ZFAND3: variants seen among roughly 807,000 people sequenced by gnomAD.
The protein encoded by ZFAND3 is AN1-type zinc finger protein 3.
A neutral mutation model predicts 29.6 loss-of-function variants in ZFAND3; 10 were observed. The ratio of observed to expected loss-of-function variants is 0.34; its 90% CI spans 0.21 to 0.57. The LOEUF is 0.57. Among genes scored for constraint, ZFAND3 ranks in the 20% least tolerant of loss-of-function variants. The pLI is 0.86. For synonymous variants in ZFAND3, 128 were observed against 112.6 expected, an observed-to-expected ratio of 1.14 and a Z score of -0.87; for missense variants, 230 against 304.5, an observed-to-expected ratio of 0.76 and a Z score of 1.82.
chr6:38,107,336 G>C (rs1765229308), intron 4 of ZFAND3, among the ~76,000 whole-genome samples: 1 of 152,202 alleles, frequency 6.6e-6, no homozygotes, highest in Non-Finnish European at 1.5e-5. Context: ...TGTGGAAGAG[G>C]TGAAGTGGAG....
At chr6:37,919,769 T>A (rs1201704549) in intron 1 of ZFAND3, among the ~76,000 whole-genome samples, 1 of 152,218 alleles carries the variant, frequency 6.6e-6, no homozygotes. Context: ...AAGTATTAAA[T>A]CTGTGTTTAA....
intron 1 of ZFAND3, among the ~76,000 whole-genome samples, chr6:37,907,125 ACTCT>A (rs757963792): frequency 1.3e-5 from 2 of 151,554 alleles, no homozygotes; most frequent in South Asian, 2.1e-4. Context: ...GCTTGCACTG[ACTCT>A]CTGTCTGCAC....
At chr6:37,868,153 CAT>C (rs1206648951) in intron 1 of ZFAND3, among the ~76,000 whole-genome samples, 5 of 152,084 alleles carry the variant, frequency 3.3e-5, no homozygotes, top group South Asian at 4.1e-4. Flanking sequence ...TGTGTATTGA[CAT>C]GTGTCAAATG....
intron 2 of ZFAND3, among the ~76,000 whole-genome samples, chr6:38,058,942 T>G (rs2127462630): frequency 6.6e-6 from 1 of 152,324 alleles, no homozygotes; most frequent in East Asian, 1.9e-4. Context: ...TGAGAATATG[T>G]CAAAAGGTAA....
chr6:38,021,744 T>TA (rs1206669574), intron 2 of ZFAND3, among the ~76,000 whole-genome samples: 1 of 152,212 alleles, frequency 6.6e-6, no homozygotes, highest in Admixed American at 6.5e-5. Context: ...GGGCTGCTGT[T>TA]ATATAACCTT....
intron 2 of ZFAND3, among the ~76,000 whole-genome samples, chr6:38,050,467 G>A (rs1348975684): frequency 6.6e-6 from 1 of 152,032 alleles, no homozygotes; most frequent in Admixed American, 6.5e-5. Flanking sequence ...GGAGGTAATT[G>A]TATCATGCGG....
chr6:37,861,820 A>T (rs1442802324), intron 1 of ZFAND3, among the ~76,000 whole-genome samples: 1 of 152,236 alleles, frequency 6.6e-6, no homozygotes, highest in Non-Finnish European at 1.5e-5. Flanking sequence ...TTACATATGG[A>T]TAACTGGAGC....
intron 2 of ZFAND3, among the ~76,000 whole-genome samples, chr6:38,053,902 T>C (rs920221096): frequency 1.3e-5 from 2 of 152,012 alleles, no homozygotes; most frequent in African/African-American, 4.8e-5. Flanking sequence ...TGAATGTTGA[T>C]ATCATCTGAT....
intron 1 of ZFAND3, among the ~76,000 whole-genome samples, chr6:37,824,083 A>G (rs1763716455): frequency 6.6e-6 from 1 of 152,218 alleles, no homozygotes; most frequent in Admixed American, 6.5e-5. Flanking sequence ...GCCGGTATAT[A>G]TTAACGTCAT....
intron 1 of ZFAND3, among the ~76,000 whole-genome samples, chr6:37,853,434 A>G (rs915976143): frequency 6.6e-6 from 1 of 150,810 alleles, no homozygotes; most frequent in Admixed American, 6.6e-5. Flanking sequence ...AAAAAAAAAA[A>G]GAAGGTGGAC....
chr6:37,858,567 A>G (rs1181474888), intron 1 of ZFAND3, among the ~76,000 whole-genome samples: 5 of 152,210 alleles, frequency 3.3e-5, no homozygotes, highest in African/African-American at 4.8e-5. Context: ...CTTTGCAAAT[A>G]TATAACAAAA....
Position 37,893,265 on chromosome 6 carries a change from G to T in ZFAND3, c.72-36694G>T, listed in dbSNP as rs2127397469. On this transcript the variant is annotated intron_variant, in intron 1 of 5. Coordinates refer to ENST00000287218, the MANE Select transcript of ZFAND3 (RefSeq NM_021943.3). ...CCATGACTAAGTGAGATAATCTCAG[G>T]AGTATAAGGTTGGTTTAACATCTGA... 1.3e-5 allele frequency among the ~76,000 whole-genome samples: 2 copies of T among 152,286 alleles called. 1 individual carries two copies. The highest frequency in any genetic ancestry group is 2.9e-5 in the Non-Finnish European group (2 of 68,022).
chr6:38,043,250 A>G (rs1232509948), intron 2 of ZFAND3, among the ~76,000 whole-genome samples: 3 of 138,616 alleles, frequency 2.2e-5, no homozygotes, highest in South Asian at 2.3e-4. Context: ...TTCCCTTTCT[A>G]CTGCCACCCT....
chr6:38,001,966 T>G (rs542407069), intron 2 of ZFAND3, among the ~76,000 whole-genome samples: 2 of 152,218 alleles, frequency 1.3e-5, no homozygotes, highest in East Asian at 3.8e-4. Context: ...TTTAGCATCC[T>G]TGATCAAATT....
chr6:37,963,727 C>T (rs1554163154), intron 2 of ZFAND3, among the ~76,000 whole-genome samples: 3 of 152,132 alleles, frequency 2.0e-5, no homozygotes, highest in Non-Finnish European at 2.9e-5. Flanking sequence ...TTCTTTCCTC[C>T]TTTTCTTTCT....
intron 2 of ZFAND3, among the ~76,000 whole-genome samples, chr6:37,976,916 G>C (rs765569373): frequency 7.9e-5 from 12 of 152,086 alleles, no homozygotes; most frequent in Non-Finnish European, 1.6e-4. Context: ...ATTTGGGTGG[G>C]GACACAGAGC....
At chr6:38,007,428 C>T (rs1763070089) in intron 2 of ZFAND3, among the ~76,000 whole-genome samples, 1 of 152,042 alleles carries the variant, frequency 6.6e-6, no homozygotes. Flanking sequence ...TTCCTGTAAT[C>T]CTAGCTCTTG....
At chr6:38,029,087 A>G (rs1459674675) in intron 2 of ZFAND3, among the ~76,000 whole-genome samples, 5 of 152,200 alleles carry the variant, frequency 3.3e-5, no homozygotes, top group Non-Finnish European at 7.3e-5. Flanking sequence ...GGGCATGCAC[A>G]GCTATTTTAG....
intron 3 of ZFAND3, among the ~76,000 whole-genome samples, chr6:38,072,856 T>C (rs1019987624): frequency 1.3e-5 from 2 of 152,248 alleles, no homozygotes; most frequent in Non-Finnish European, 2.9e-5. Flanking sequence ...AAGATGATTC[T>C]TTAGATTTAA....
Sources: gnomAD v4.1 joint callset for allele counts (sites outside exome capture counted in the v4.1 genomes callset) on GRCh38, gnomAD v4.1.1 for gene constraint, MANE v1.5 for transcripts, NCBI Gene and HGNC (gene_info 2026-07-23, HGNC 2026-07-21) for gene names.